The following ROS1 variants were observed in gnomAD, a reference collection of about 807,000 sequenced individuals.
ROS1 encodes the protein ROS proto-oncogene 1, receptor tyrosine kinase.
ROS1 carries 263 observed loss-of-function variants against 273.5 expected under a neutral mutation model. The ratio of observed to expected loss-of-function variants is 0.96; its 90% CI spans 0.87 to 1.06. The LOEUF (loss-of-function observed/expected upper bound fraction) is 1.06. Ranked by LOEUF, ROS1 falls within the 50% of genes least tolerant of loss-of-function variation. The probability of loss-of-function intolerance (pLI) is 0.00; values close to 1 mark genes in which losing one functional copy is unlikely to be tolerated. For synonymous variants in ROS1, 1,008 were observed against 954.1 expected (o/e 1.06, Z -1.04); for missense variants, 2,833 against 2,751.1 (o/e 1.03, Z -0.67).
chr6:117,292,943 A>G (rs567548778), intron 43 of ROS1, among the ~76,000 whole-genome samples: 2 of 152,282 alleles, frequency 1.3e-5, no homozygotes, highest in South Asian at 4.1e-4. Context: ...TGTGACCAAT[A>G]ACCCTCCAAT....
At chr6:117,354,372 A>G (rs1275472320) in intron 26 of ROS1, among the ~76,000 whole-genome samples, 1 of 152,000 alleles carries the variant, frequency 6.6e-6, no homozygotes, top group Non-Finnish European at 1.5e-5. Context: ...AAAAGTGCTT[A>G]CAATGAGCTA....
chr6:117,355,241 T>C (rs1368748553), intron 26 of ROS1, among the ~76,000 whole-genome samples: 1 of 152,104 alleles, frequency 6.6e-6, no homozygotes, highest in East Asian at 1.9e-4. Context: ...TTGTCACAGG[T>C]TTAACAGAAA....
Position 117,326,358 on chromosome 6 carries a change from T to G in ROS1, c.5405A>C (p.Asn1802Thr). Residue 1802 changes from asparagine to threonine, a missense_variant, in exon 34 of 44, where the codon AAT (asparagine) becomes ACT (threonine). Coordinates refer to ENST00000368507, the MANE Select transcript of ROS1 (RefSeq NM_001378902.1). ...NQNLRWKMTF[N>T]GSCSSVCTWK... is the part of the protein sequence containing the mutation. ...TGTGCAAACACTACTGCAGGATCCA[T>G]TAAATGTCATCTTCCACCTTAAATT... is the stretch of plus-strand genomic sequence containing the variant. 6.3e-7 allele frequency: 1 copy of G among 1,576,806 alleles called. No individual in the cohort carries two copies. The highest frequency in any genetic ancestry group is 8.6e-7 in the Non-Finnish European group (1 of 1,168,156).
At chr6:117,378,114 C>T (rs553233964) in intron 18 of ROS1, among the ~76,000 whole-genome samples, 73 of 152,244 alleles carry the variant, frequency 4.8e-4, no homozygotes, top group African/African-American at 1.6e-3. Context: ...GAAAAACTGG[C>T]AATTACTTAA....
rs1772309691 is a variant in ROS1 at position 117,383,374 on chromosome 6, T to G, written c.2424A>C (p.Arg808Ser). Residue 808 changes from arginine (R) to serine (S), a missense_variant, in exon 17 of 44, where the codon AGA (arginine) becomes AGC (serine). By Grantham distance (110) the Arg-to-Ser change is moderately radical (BLOSUM62 -1). Coordinates refer to ENST00000368507, the MANE Select transcript of ROS1 (RefSeq NM_001378902.1). The part of the protein sequence containing the change: ...WTTLYSVEST[R>S]LNGESSLVLQ... ...GTACAAGGGAACTTTCCCCATTTAG[T>G]CTGGTGCTTTCCACTGAATAGAGTG... The G allele has an allele frequency of 1.2e-6, 2 of 1,614,134 alleles. No homozygotes were observed. Among genetic ancestry groups the G allele is most frequent in the Non-Finnish European group, 1.7e-6 (2 of 1,179,978 alleles).
intron 32 of ROS1, among the ~76,000 whole-genome samples, chr6:117,334,967 C>T (rs1372116749): frequency 6.6e-6 from 1 of 152,172 alleles, no homozygotes; most frequent in Non-Finnish European, 1.5e-5. Flanking sequence ...AAAGCAATGG[C>T]AACAAAAGCC....
intron 33 of ROS1, chr6:117,328,612 A>T (rs771510880): frequency 1.0e-4 from 46 of 457,684 alleles, no homozygotes; most frequent in Non-Finnish European, 1.7e-4. Context: ...ATAATTATGG[A>T]AGTGACTTTT....
intron 7 of ROS1, among the ~76,000 whole-genome samples, chr6:117,401,872 G>T (rs1773975150): frequency 2.1e-5 from 3 of 145,144 alleles, no homozygotes; most frequent in Non-Finnish European, 4.5e-5. Context: ...AGCCAAAGAA[G>T]TTTATAACCT....
intron 1 of ROS1, among the ~76,000 whole-genome samples, chr6:117,420,590 AT>A (rs1432310210): frequency 3.5e-4 from 52 of 148,604 alleles, no homozygotes; most frequent in African/African-American, 1.2e-3. Context: ...TAATAATAAA[AT>A]TTTAAATAAT....
chr6:117,303,584 GA>G (rs1310318389), intron 42 of ROS1, among the ~76,000 whole-genome samples: 1 of 152,178 alleles, frequency 6.6e-6, no homozygotes, highest in African/African-American at 2.4e-5. Context: ...GAAAGGATGA[GA>G]TGAGATCAGA....
At chr6:117,293,848 T>G (rs1774013182) in intron 43 of ROS1, among the ~76,000 whole-genome samples, 1 of 152,198 alleles carries the variant, frequency 6.6e-6, no homozygotes, top group Non-Finnish European at 1.5e-5. Flanking sequence ...ATTTGTTGCT[T>G]TTAATGATAA....
At chr6:117,388,155 C>T in intron 13 of ROS1, 163 bp from the exon 14 acceptor site, 1 of 1,101,336 alleles carries the variant, frequency 9.1e-7, no homozygotes, top group Non-Finnish European at 1.3e-6. Flanking sequence ...GTTGATGAGG[C>T]TAGGACAGTG....
In ROS1 at chr6:117,396,192, T is replaced by C. The variant is rs1197565046; in HGVS notation, c.879A>G (p.Ser293=). The change falls in exon 9 of 44, where the codon TCA becomes TCG. Residue 293 remains serine (S), a synonymous_variant. Transcript: ENST00000368507. ...EAESSITTSS[S]AVQQEEQWLF... is the part of the protein sequence containing the mutation. ...AGGAAGAAGCCTGACCCATACCTGC[T>C]GAAGATGAAGTGGTAATACTAGATT... 2 of 1,612,988 alleles carry C rather than the reference T, an allele frequency of 1.2e-6. No homozygotes were observed. The highest frequency in any genetic ancestry group is 3.3e-5 in the Admixed American group (2 of 60,006).
At chr6:117,363,708 T>A (rs1400966788) in intron 21 of ROS1, among the ~76,000 whole-genome samples, 1 of 152,120 alleles carries the variant, frequency 6.6e-6, no homozygotes, top group African/African-American at 2.4e-5. Context: ...CCTTCTCTCT[T>A]AAAAATGCCT....
intron 18 of ROS1, among the ~76,000 whole-genome samples, chr6:117,373,285 G>A (rs770653949): frequency 5.9e-5 from 9 of 152,238 alleles, no homozygotes; most frequent in South Asian, 2.1e-4. Flanking sequence ...TACACCATGC[G>A]CCTGCACTCC....
At chr6:117,341,006 G>A (rs1284112766) in intron 31 of ROS1, 129 bp downstream of exon 31, 3 of 635,238 alleles carry the variant, frequency 4.7e-6, no homozygotes, top group Non-Finnish European at 7.9e-6. Context: ...GCTTCTGCAT[G>A]CCAAACATAA....
chr6:117,404,654 A>C (rs1774252836), intron 5 of ROS1, among the ~76,000 whole-genome samples: 1 of 152,220 alleles, frequency 6.6e-6, no homozygotes, highest in Non-Finnish European at 1.5e-5. Context: ...CTTTGAACAC[A>C]GTATTTTTTT....
At chr6:117,288,913 A>T in intron 43 of ROS1, 111 bp from the exon 44 acceptor site, 2 of 874,342 alleles carry the variant, frequency 2.3e-6, no homozygotes, top group Non-Finnish European at 3.4e-6. Flanking sequence ...TTTGTTCAGC[A>T]AACATTTATG....
intron 38 of ROS1, 29 bp downstream of exon 38, chr6:117,318,159 A>C (rs766656197): frequency 8.2e-6 from 13 of 1,578,554 alleles, no homozygotes; most frequent in Non-Finnish European, 9.6e-6. Context: ...CTTCTTACCC[A>C]TACCAGGAGA....
Sources: gnomAD v4.1 joint callset for allele counts (sites outside exome capture counted in the v4.1 genomes callset) on GRCh38, gnomAD v4.1.1 for gene constraint, MANE v1.5 for transcripts, NCBI Gene and HGNC (gene_info 2026-07-23, HGNC 2026-07-21) for gene names.